CENPN: variants seen among roughly 807,000 people sequenced by gnomAD.
The protein encoded by CENPN is centromere protein N, also known as interphase centromere complex protein 32.
Under a neutral mutation model 48.6 loss-of-function variants are expected in CENPN, and 36 were observed. That is an observed-to-expected ratio of 0.74 (90% CI 0.57 to 0.98). The LOEUF is 0.98. Ranked by LOEUF, CENPN falls within the 50% of genes least tolerant of loss-of-function variation. The probability of loss-of-function intolerance (pLI) is 0.00; values close to 1 mark genes in which losing one functional copy is unlikely to be tolerated. For missense variants in CENPN, 439 were observed against 399.2 expected (o/e 1.10, Z -0.85); for synonymous variants, 166 against 135.2 (o/e 1.23, Z -1.58).
At chr16:81,009,550 A>G (rs548050337) in intron 1 of CENPN, among the ~76,000 whole-genome samples, 26 of 152,338 alleles carry the variant, frequency 1.7e-4, no homozygotes, top group Admixed American at 5.2e-4. Flanking sequence ...CTGTTTCATG[A>G]TCCTGATTCT....
Position 81,031,064 on chromosome 16 carries a change from A to T in CENPN, c.*2413A>T, listed in dbSNP as rs1452483234. On this transcript the variant is annotated 3_prime_UTR_variant, in exon 11 of 11. Transcript: ENST00000305850. ...ACTCCATCTTAAAAAATAAATAAAT[A>T]AAATAAAATAAATGACATCACTTTG... The T allele has an allele frequency of 1.3e-5, 2 of 152,062 alleles. No homozygotes were observed. The highest frequency in any genetic ancestry group is 2.9e-5 in the Non-Finnish European group (2 of 68,034). 9.4% of individuals were successfully genotyped at this position (152,062 alleles called of 1,614,324 possible).
downstream of CENPN, chr16:81,032,542 T>C: frequency 6.4e-7 from 1 of 1,561,018 alleles, no homozygotes; most frequent in Non-Finnish European, 8.7e-7. Context: ...CTTTTATCAG[T>C]TGATTTTCAG....
In CENPN at chr16:81,022,699, G is replaced by A; in HGVS notation, c.633+1G>A. On this transcript the variant is annotated splice_donor_variant, in intron 7 of 10. Coordinates refer to ENST00000305850, the MANE Select transcript of CENPN (RefSeq NM_001100624.3). LOFTEE classifies it high-confidence loss of function. ...TATTGTTTTTAAACAGTATAATCAG[G>A]TGAGCCAATCAGTGACTCTCTTTAA... 1.2e-6 allele frequency: 2 copies of A among 1,614,032 alleles called. No individual in the cohort carries two copies. Among genetic ancestry groups the A allele is most frequent in the South Asian group, 1.1e-5 (1 of 91,082 alleles).
intron 8 of CENPN, among the ~76,000 whole-genome samples, chr16:81,025,890 A>G (rs1368769488): frequency 6.6e-6 from 1 of 151,460 alleles, no homozygotes; most frequent in Admixed American, 6.6e-5. Context: ...TTTAGTAGAC[A>G]TGGGATTTCA....
At chr16:81,032,481 C>G, downstream of CENPN, 2 of 1,351,844 alleles carry the variant, frequency 1.5e-6, no homozygotes, top group Non-Finnish European at 2.0e-6. Flanking sequence ...GCCTCCCCTC[C>G]CCACCAGGCA....
rs1473400837 is a variant in CENPN at position 81,026,656 on chromosome 16, A to G, written c.810+18A>G. On this transcript the variant is annotated intron_variant, in intron 9 of 10. Transcript: ENST00000305850. ...AATATAAGGTAAGATGTCGTAATAA[A>G]TATTAAGTACAAGATATCAACATTG... 1.2e-5 allele frequency: 15 copies of G among 1,249,168 alleles called. No homozygotes were observed. The highest frequency in any genetic ancestry group is 1.7e-5 in the Non-Finnish European group (15 of 861,082). 77.4% of individuals were successfully genotyped at this position (1,249,168 alleles called of 1,614,324 possible).
At chr16:81,013,460 G>A (rs1036163445) in intron 2 of CENPN, among the ~76,000 whole-genome samples, 1 of 152,192 alleles carries the variant, frequency 6.6e-6, no homozygotes, top group Non-Finnish European at 1.5e-5. Context: ...GGACTCAGTG[G>A]CTCCTGCCTG....
intron 1 of CENPN, among the ~76,000 whole-genome samples, chr16:81,011,064 C>A (rs2151675627): frequency 6.6e-6 from 1 of 152,304 alleles, no homozygotes; most frequent in African/African-American, 2.4e-5. Context: ...TGATGACTGA[C>A]CTCACCTCCT....
At chr16:81,019,228 T>C (rs1970068317) in intron 5 of CENPN, among the ~76,000 whole-genome samples, 1 of 152,186 alleles carries the variant, frequency 6.6e-6, no homozygotes, top group South Asian at 2.1e-4. Context: ...GTTTTTGTTT[T>C]TTTTTGGAAA....
intron 5 of CENPN, among the ~76,000 whole-genome samples, chr16:81,019,413 C>T (rs971755787): frequency 2.0e-5 from 3 of 150,064 alleles, no homozygotes; most frequent in Non-Finnish European, 4.4e-5. Flanking sequence ...TACTGAGTTT[C>T]ACTATGTTGT....
At chr16:81,012,334 GA>G (rs904725717) in intron 2 of CENPN, among the ~76,000 whole-genome samples, 53 of 152,134 alleles carry the variant, frequency 3.5e-4, no homozygotes, top group African/African-American at 1.3e-3. Flanking sequence ...AAATATAGTA[GA>G]AAAAACAGTA....
At chr16:81,031,686 TG>T (rs1970785420), downstream of CENPN, among the ~76,000 whole-genome samples, 1 of 152,180 alleles carries the variant, frequency 6.6e-6, no homozygotes, top group African/African-American at 2.4e-5. Context: ...CCCCCTACCT[TG>T]GTTGAGGTTC....
rs1969759173 is a variant in CENPN at position 81,011,977 on chromosome 16, T to C, written c.38T>C (p.Ile13Thr). Residue 13 changes from isoleucine to threonine, a missense_variant, in exon 2 of 11, where the codon ATC (isoleucine) becomes ACC (threonine). Physicochemically the swap from Ile to Thr is moderately conservative, Grantham distance 89 (BLOSUM62 -1). Coordinates refer to ENST00000305850, the MANE Select transcript of CENPN (RefSeq NM_001100624.3). ...GTTGCTGAGTTCATCAAGAGGACCA[T>C]CTTGAAAATCCCCATGAATGAACTG... ...ETVAEFIKRTILKIPMNELTT... is the reference protein window; with the variant it reads ...ETVAEFIKRTTLKIPMNELTT... The C allele has an allele frequency of 6.2e-7, 1 of 1,614,058 alleles. No homozygotes were observed. The highest frequency in any genetic ancestry group is 1.7e-5 in the Admixed American group (1 of 60,006).
At chr16:81,026,794 G>A (rs1970517924) in intron 9 of CENPN, among the ~76,000 whole-genome samples, 156 bp downstream of exon 9, 1 of 152,072 alleles carries the variant, frequency 6.6e-6, no homozygotes, top group Non-Finnish European at 1.5e-5. Flanking sequence ...CCTCTTTATT[G>A]TATTTATAAG....
intron 7 of CENPN, chr16:81,022,921 A>C (rs917396111): frequency 4.5e-6 from 7 of 1,565,202 alleles, no homozygotes; most frequent in Non-Finnish European, 5.2e-6. Flanking sequence ...TAGTCACTGG[A>C]GTCTGTGTTG....
intron 5 of CENPN, among the ~76,000 whole-genome samples, chr16:81,019,604 A>G (rs1970087229): frequency 6.6e-6 from 1 of 152,080 alleles, no homozygotes; most frequent in Admixed American, 6.5e-5. Flanking sequence ...TAAAACAAGT[A>G]TCTCATTTGT....
chr16:81,010,945 C>T (rs575948576), intron 1 of CENPN, among the ~76,000 whole-genome samples: 4 of 152,286 alleles, frequency 2.6e-5, no homozygotes, highest in South Asian at 2.1e-4. Flanking sequence ...AGTACAGTAG[C>T]GAGATTGATC....
chr16:81,028,397 A>T, intron 10 of CENPN, 100 bp downstream of exon 10: 1 of 1,507,118 alleles, frequency 6.6e-7, no homozygotes, highest in East Asian at 2.3e-5. Context: ...CCATCACCCT[A>T]GTCTGCTAGC....
At chr16:81,023,054 T>G in intron 7 of CENPN, 1 of 575,824 alleles carries the variant, frequency 1.7e-6, no homozygotes, top group Non-Finnish European at 2.8e-6. Flanking sequence ...AGAATTAACT[T>G]TTTGTCCCAT....
Sources: allele counts gnomAD v4.1 joint callset (sites outside exome capture counted in the v4.1 genomes callset), GRCh38; gene constraint gnomAD v4.1.1; transcripts MANE v1.5; gene names NCBI Gene and HGNC (gene_info 2026-07-23, HGNC 2026-07-21).